KCNK9: variants seen among roughly 807,000 people sequenced by gnomAD.
The protein encoded by KCNK9 is potassium channel subfamily K member 9.
A neutral mutation model predicts 10.8 loss-of-function variants in KCNK9; 1 was observed. The ratio of observed to expected loss-of-function variants is 0.09; its 90% CI spans 0.03 to 0.44. KCNK9 has a LOEUF of 0.44. KCNK9 is among the 20% of genes least tolerant of loss of function. The pLI, the probability that KCNK9 is intolerant of heterozygous loss-of-function variation, is 0.97. For synonymous variants in KCNK9, 231 were observed against 222.7 expected (o/e 1.04, Z -0.33); for missense variants, 303 against 515.0 (o/e 0.59, Z 3.98).
intron 1 of KCNK9, among the ~76,000 whole-genome samples, chr8:139,677,675 C>T (rs1816583416): frequency 1.3e-5 from 2 of 150,958 alleles, no homozygotes; most frequent in Non-Finnish European, 2.9e-5. Context: ...TACCTCGAGT[C>T]CCAGCCCAGT....
chr8:139,688,699 T>C (rs774109620), intron 1 of KCNK9, among the ~76,000 whole-genome samples: 1 of 152,242 alleles, frequency 6.6e-6, no homozygotes, highest in Non-Finnish European at 1.5e-5. Flanking sequence ...GATGGTCAGA[T>C]TTTGATAGGT....
downstream of KCNK9, chr8:139,611,210 C>T (rs1443422645): frequency 6.6e-6 from 1 of 152,274 alleles, no homozygotes; most frequent in Non-Finnish European, 1.5e-5. Flanking sequence ...TGGCACAGAG[C>T]AGGTGCCATT....
downstream of KCNK9, among the ~76,000 whole-genome samples, chr8:139,609,520 T>C (rs1814353034): frequency 6.6e-6 from 1 of 151,944 alleles, no homozygotes; most frequent in South Asian, 2.1e-4. Flanking sequence ...CAAAGGTAAA[T>C]GCTGGGCAGG....
intron 2 of KCNK9, among the ~76,000 whole-genome samples, chr8:139,606,593 T>G (rs1563709500): frequency 1.3e-5 from 2 of 152,210 alleles, no homozygotes; most frequent in Non-Finnish European, 2.9e-5. Flanking sequence ...CAAGTTTTCC[T>G]TTTGATGTTT....
chr8:139,607,807 C>A (rs1012154953), downstream of KCNK9, among the ~76,000 whole-genome samples: 2 of 152,192 alleles, frequency 1.3e-5, no homozygotes, highest in Non-Finnish European at 2.9e-5. Context: ...AAATGTCAGT[C>A]CAGGATGTGA....
chr8:139,609,102 TCCCAC>T (rs1554617323), downstream of KCNK9, among the ~76,000 whole-genome samples: 1 of 88,156 alleles, frequency 1.1e-5, no homozygotes, highest in Non-Finnish European at 2.2e-5. Flanking sequence ...GAGGGACCCA[TCCCAC>T]CCCACCCCGC....
chr8:139,657,560 C>T (rs1816051881), intron 1 of KCNK9, among the ~76,000 whole-genome samples: 2 of 152,042 alleles, frequency 1.3e-5, no homozygotes, highest in Non-Finnish European at 1.5e-5. Flanking sequence ...TAAAACCCCC[C>T]AGAGCCAAAA....
At chr8:139,673,493 C>T (rs1816484070) in intron 1 of KCNK9, among the ~76,000 whole-genome samples, 1 of 152,182 alleles carries the variant, frequency 6.6e-6, no homozygotes, top group South Asian at 2.1e-4. Context: ...GCAGCCCACC[C>T]GTCCCCTTGA....
At chr8:139,603,176 G>A (rs111496150) in intron 2 of KCNK9, among the ~76,000 whole-genome samples, 35 of 152,246 alleles carry the variant, frequency 2.3e-4, no homozygotes, top group African/African-American at 7.2e-4. Flanking sequence ...ACAGGTACAC[G>A]GTGATAACAA....
At chr8:139,672,181 C>T (rs1400795326) in intron 1 of KCNK9, among the ~76,000 whole-genome samples, 1 of 152,174 alleles carries the variant, frequency 6.6e-6, no homozygotes, top group African/African-American at 2.4e-5. Context: ...TTGGAGGTGG[C>T]TTTCTGGGTT....
At chr8:139,614,755 G>A (rs561995338), downstream of KCNK9, among the ~76,000 whole-genome samples, 1 of 152,214 alleles carries the variant, frequency 6.6e-6, no homozygotes, top group Admixed American at 6.5e-5. Flanking sequence ...AGCAAGTGTT[G>A]CCCCCAGGGG....
chr8:139,650,218 T>C (rs1189535396), intron 1 of KCNK9, among the ~76,000 whole-genome samples: 1 of 152,194 alleles, frequency 6.6e-6, no homozygotes, highest in Non-Finnish European at 1.5e-5. Flanking sequence ...GGCTGCTGTT[T>C]GAAGAACAGA....
intron 1 of KCNK9, among the ~76,000 whole-genome samples, chr8:139,651,259 G>C (rs1249115213): frequency 6.6e-6 from 1 of 152,230 alleles, no homozygotes; most frequent in Non-Finnish European, 1.5e-5. Flanking sequence ...ACACGAGCAT[G>C]TGTCCCATGC....
chr8:139,668,989 A>G (rs2129728285), intron 1 of KCNK9, among the ~76,000 whole-genome samples: 1 of 152,342 alleles, frequency 6.6e-6, no homozygotes, highest in East Asian at 1.9e-4. Context: ...AGCAAGCCAC[A>G]CACATTTTTT....
downstream of KCNK9, among the ~76,000 whole-genome samples, chr8:139,613,660 G>A (rs1027195572): frequency 1.3e-5 from 2 of 152,226 alleles, no homozygotes; most frequent in South Asian, 2.1e-4. Context: ...AAGCTGTCTC[G>A]TTGTGTTGAT....
chr8:139,674,412 C>T (rs575720328), intron 1 of KCNK9, among the ~76,000 whole-genome samples: 4 of 152,312 alleles, frequency 2.6e-5, no homozygotes, highest in East Asian at 1.9e-4. Context: ...TGAGCCGCTC[C>T]GAGGGCAGCC....
At chr8:139,676,537 C>A (rs935001698) in intron 1 of KCNK9, among the ~76,000 whole-genome samples, 35 of 152,210 alleles carry the variant, frequency 2.3e-4, no homozygotes, top group African/African-American at 8.4e-4. Flanking sequence ...CCTTCTAGAC[C>A]CAGCCTGCCC....
chr8:139,611,040 C>G (rs1275808750), downstream of KCNK9, among the ~76,000 whole-genome samples: 4 of 152,232 alleles, frequency 2.6e-5, no homozygotes, highest in African/African-American at 9.6e-5. Context: ...AAACCCATTT[C>G]CTCCATGAAG....
chr8:139,677,684 G>A (rs7841733), intron 1 of KCNK9, among the ~76,000 whole-genome samples: 1,988 of 38,286 alleles, frequency 0.052, 142 homozygotes, highest in African/African-American at 0.13. Flanking sequence ...TCCCAGCCCA[G>A]TGGGTTCCCA....
Sources: gnomAD v4.1 joint callset for allele counts (sites outside exome capture counted in the v4.1 genomes callset) on GRCh38, gnomAD v4.1.1 for gene constraint, MANE v1.5 for transcripts, NCBI Gene and HGNC (gene_info 2026-07-23, HGNC 2026-07-21) for gene names.